Variants in NMNAT2 observed in about 807,000 individuals in gnomAD.
NMNAT2 encodes nicotinamide/nicotinic acid mononucleotide adenylyltransferase 2.
A neutral mutation model predicts 41.6 loss-of-function variants in NMNAT2; 11 were observed. That is an observed-to-expected ratio of 0.26 (90% CI 0.17 to 0.44). The LOEUF (loss-of-function observed/expected upper bound fraction) is 0.44, where lower values mean the gene tolerates loss of function less well. Ranked by LOEUF, NMNAT2 falls within the 20% of genes least tolerant of loss-of-function variation. The probability of loss-of-function intolerance (pLI) is 1.00; values close to 1 mark genes in which losing one functional copy is unlikely to be tolerated. For synonymous variants in NMNAT2, 148 were observed against 151.2 expected (o/e 0.98, Z 0.16); for missense variants, 288 against 407.7 (o/e 0.71, Z 2.53).
rs116321831 is a variant in NMNAT2 at position 183,358,246 on chromosome 1, C to T, written c.85+59937G>A. Among the ~76,000 whole-genome samples the T allele has an allele frequency of 1.9e-3, 294 of 152,160 alleles. 1 individual carries two copies. The highest frequency in any genetic ancestry group is 6.7e-3 in the African/African-American group (279 of 41,506). On this transcript the variant is annotated intron_variant, in intron 1 of 10. Coordinates refer to ENST00000287713, the MANE Select transcript of NMNAT2 (RefSeq NM_015039.4). ...GAATGCATGGACACATAGAGGGGAACGACACTCACTGGGACCTGTCAGAGG... is the reference window on the plus strand; with the variant it reads ...GAATGCATGGACACATAGAGGGGAATGACACTCACTGGGACCTGTCAGAGG...
chr1:183,410,254 T>C lies in NMNAT2; in HGVS notation c.85+7929A>G, dbSNP rs920894362. The stretch of plus-strand genomic sequence containing the variant: ...ATGAGAATCACTTTAACCCGGGAGG[T>C]GGAGGTTGCAGTGAGCTGAGACAGA... On this transcript the variant is annotated intron_variant, in intron 1 of 10. Coordinates refer to ENST00000287713, the MANE Select transcript of NMNAT2 (RefSeq NM_015039.4). 2.7e-5 allele frequency among the ~76,000 whole-genome samples: 4 copies of C among 149,118 alleles called. No homozygotes were observed. The Admixed American group carries it at 2.7e-4, about 10-fold the overall frequency.
chr1:183,260,000 T>C (rs1205609679), intron 10 of NMNAT2, among the ~76,000 whole-genome samples: 1 of 152,240 alleles, frequency 6.6e-6, no homozygotes. Context: ...CCACTCAACA[T>C]TTCCACTTTG....
At chr1:183,339,431 C>A (rs1437235104) in intron 1 of NMNAT2, among the ~76,000 whole-genome samples, 1 of 152,176 alleles carries the variant, frequency 6.6e-6, no homozygotes, top group Non-Finnish European at 1.5e-5. Flanking sequence ...GGATGGGTAC[C>A]CAGAGTCAGT....
At chr1:183,410,915 A>G (rs1649099974) in intron 1 of NMNAT2, among the ~76,000 whole-genome samples, 1 of 151,972 alleles carries the variant, frequency 6.6e-6, no homozygotes, top group South Asian at 2.1e-4. Flanking sequence ...ATGGGGTCTC[A>G]TTATAAATTC....
chr1:183,283,943 G>T (rs1329299120), intron 7 of NMNAT2, 52 bp downstream of exon 7: 1 of 1,578,896 alleles, frequency 6.3e-7, no homozygotes, highest in Non-Finnish European at 8.7e-7. Flanking sequence ...CTGTCGTGAA[G>T]GCAGGGAGCT....
chr1:183,371,537 A>T (rs1006847865), intron 1 of NMNAT2, among the ~76,000 whole-genome samples: 5 of 152,176 alleles, frequency 3.3e-5, no homozygotes, highest in African/African-American at 1.2e-4. Context: ...GATGTTGATA[A>T]TGGGCAAGGC....
At chr1:183,370,223 TACACACACACACACAC>T (rs57569629) in intron 1 of NMNAT2, among the ~76,000 whole-genome samples, 48 of 112,818 alleles carry the variant, frequency 4.3e-4, no homozygotes, top group Admixed American at 7.3e-4. Flanking sequence ...TATCAACACA[TACACACACACACACAC>T]ACACACACAC....
chr1:183,401,784 A>G (rs1429256919), intron 1 of NMNAT2, among the ~76,000 whole-genome samples: 2 of 152,156 alleles, frequency 1.3e-5, no homozygotes, highest in Non-Finnish European at 2.9e-5. Context: ...AAGAAGCTGG[A>G]AACTATCATT....
chr1:183,271,200 G>C (rs1316805861), intron 8 of NMNAT2, among the ~76,000 whole-genome samples: 1 of 152,128 alleles, frequency 6.6e-6, no homozygotes, highest in Non-Finnish European at 1.5e-5. Flanking sequence ...AAATACTCTT[G>C]AGAGCAGCTA....
intron 1 of NMNAT2, among the ~76,000 whole-genome samples, chr1:183,383,340 G>C (rs939299718): frequency 6.6e-6 from 1 of 152,162 alleles, no homozygotes; most frequent in African/African-American, 2.4e-5. Flanking sequence ...TTCCACCAAG[G>C]TCTCTGGAAT....
In NMNAT2 at chr1:183,250,719, A is replaced by AC. The variant is rs1434668463; in HGVS notation, c.*1921dup. On this transcript the variant is annotated 3_prime_UTR_variant, in exon 11 of 11. Coordinates refer to ENST00000287713, the MANE Select transcript of NMNAT2 (RefSeq NM_015039.4). ...TCATGATCCCTAGTCAAACACTGATACCCCAAAATAGGATTTTCCTTCCTT... is the reference window on the plus strand; with the variant it reads ...TCATGATCCCTAGTCAAACACTGATACCCCCAAAATAGGATTTTCCTTCCTT... 6.6e-6 allele frequency: 1 copy of AC among 152,582 alleles called. No individual in the cohort carries two copies. The allele number at this position is 152,582 out of a possible 1,614,324, so 9.5% of individuals were successfully genotyped here.
At chr1:183,380,159 TC>T (rs1380992443) in intron 1 of NMNAT2, among the ~76,000 whole-genome samples, 1 of 152,184 alleles carries the variant, frequency 6.6e-6, no homozygotes, top group Non-Finnish European at 1.5e-5. Flanking sequence ...ACTAGGAAAG[TC>T]TCTATTTTCT....
chr1:183,283,023 T>C (rs1252662651), intron 7 of NMNAT2: 1 of 152,188 alleles, frequency 6.6e-6, no homozygotes, highest in African/African-American at 2.4e-5. Context: ...GGGACACCAC[T>C]GCACCTCAGA....
intron 1 of NMNAT2, among the ~76,000 whole-genome samples, chr1:183,383,876 C>T (rs1418423849): frequency 6.6e-6 from 1 of 152,246 alleles, no homozygotes; most frequent in Non-Finnish European, 1.5e-5. Flanking sequence ...TTCCTGCCTT[C>T]TTCTGAGCCC....
chr1:183,364,585 T>G (rs900890111), intron 1 of NMNAT2, among the ~76,000 whole-genome samples: 2 of 152,190 alleles, frequency 1.3e-5, no homozygotes, highest in Non-Finnish European at 2.9e-5. Context: ...AGTATTAAAT[T>G]AAATTTATAG....
At chr1:183,282,350 CT>C (rs113115173) in intron 7 of NMNAT2, among the ~76,000 whole-genome samples, 25 of 152,338 alleles carry the variant, frequency 1.6e-4, no homozygotes, top group African/African-American at 5.5e-4. Flanking sequence ...GCAGAGGCCC[CT>C]GCCCCTCCCG....
At chr1:183,401,306 A>G (rs1189601200) in intron 1 of NMNAT2, among the ~76,000 whole-genome samples, 1 of 152,258 alleles carries the variant, frequency 6.6e-6, no homozygotes, top group Non-Finnish European at 1.5e-5. Flanking sequence ...CAACAGACAC[A>G]TGAAAAAATG....
intron 1 of NMNAT2, among the ~76,000 whole-genome samples, chr1:183,356,705 A>C (rs1663196098): frequency 6.6e-6 from 1 of 152,238 alleles, no homozygotes; most frequent in South Asian, 2.1e-4. Flanking sequence ...CGCTGAGTTA[A>C]CTAACAAGGA....
chr1:183,285,488 C>G (rs950106830), intron 5 of NMNAT2, among the ~76,000 whole-genome samples: 4 of 152,174 alleles, frequency 2.6e-5, no homozygotes, highest in Non-Finnish European at 5.9e-5. Context: ...GGGCTCCAAT[C>G]CAGAAAAATT....
Sources: allele counts gnomAD v4.1 joint callset (sites outside exome capture counted in the v4.1 genomes callset), GRCh38; gene constraint gnomAD v4.1.1; transcripts MANE v1.5; gene names NCBI Gene and HGNC (gene_info 2026-07-23, HGNC 2026-07-21).